Variants in INTS8 observed in about 807,000 individuals in gnomAD.
INTS8 encodes the protein integrator complex subunit 8, also known as protein kaonashi-1.
INTS8 carries 47 observed loss-of-function variants against 138.9 expected under a neutral mutation model. That is an observed-to-expected ratio of 0.34 (90% CI 0.27 to 0.43). INTS8 has a LOEUF of 0.43. Ranked by LOEUF, INTS8 falls within the 20% of genes least tolerant of loss-of-function variation. The pLI, the probability that INTS8 is intolerant of heterozygous loss-of-function variation, is 1.00. For synonymous variants in INTS8, 392 were observed against 400.9 expected (o/e 0.98, Z 0.27); for missense variants, 996 against 1,173.0 (o/e 0.85, Z 2.20).
chr8:94,832,914 A>G (rs768982581), intron 6 of INTS8, among the ~76,000 whole-genome samples: 20 of 152,114 alleles, frequency 1.3e-4, no homozygotes, highest in Non-Finnish European at 2.2e-4. Context: ...TCGGTCTCCC[A>G]AAGTGCTGGG....
At chr8:94,866,822 C>T (rs753641466) in intron 18 of INTS8, 6 of 260,902 alleles carry the variant, frequency 2.3e-5, no homozygotes, top group Admixed American at 5.1e-5. Flanking sequence ...TGGACGTAAC[C>T]TAGGTTTCAC....
At chr8:94,831,158 G>C (rs1814698018) in intron 5 of INTS8, among the ~76,000 whole-genome samples, 1 of 151,944 alleles carries the variant, frequency 6.6e-6, no homozygotes. Context: ...CTGTCACCCA[G>C]GCTGGAGTGC....
At chr8:94,827,235 G>A in intron 2 of INTS8, 28 bp from the exon 3 acceptor site, 4 of 1,601,196 alleles carry the variant, frequency 2.5e-6, no homozygotes, top group Non-Finnish European at 3.4e-6. Context: ...CAATTAATGT[G>A]CAAACATGTA....
chr8:94,867,434 C>T, intron 20 of INTS8, 97 bp downstream of exon 20: 3 of 835,254 alleles, frequency 3.6e-6, no homozygotes, highest in Admixed American at 2.4e-5. Flanking sequence ...TATTAAAGGG[C>T]CAGAAATCTA....
At chr8:94,878,748 T>G (rs1816665049) in intron 26 of INTS8, among the ~76,000 whole-genome samples, 3 of 152,254 alleles carry the variant, frequency 2.0e-5, no homozygotes, top group Admixed American at 2.0e-4. Context: ...CTGCCATCAC[T>G]GCTCTTACTT....
At chr8:94,841,782 G>A (rs572461614) in intron 9 of INTS8, among the ~76,000 whole-genome samples, 191 bp downstream of exon 9, 1 of 151,938 alleles carries the variant, frequency 6.6e-6, no homozygotes, top group Admixed American at 6.6e-5. Context: ...AAAAGTGCTT[G>A]CAGGGCCGGG....
chr8:94,866,174 T>C lies in INTS8; in HGVS notation c.2278T>C (p.Phe760Leu). Residue 760 changes from phenylalanine (F) to leucine (L), a missense_variant, in exon 18 of 27, where the codon TTT (phenylalanine) becomes CTT (leucine). By Grantham distance (22) the Phe-to-Leu change is conservative (BLOSUM62 0). Coordinates refer to ENST00000523731, the MANE Select transcript of INTS8 (RefSeq NM_017864.4). ...GTTTTGTAGGAGTGAACTGCTTTCT[T>C]TTATCAAAAAATTACGAGTAAGTTT... ...GIMYRSELLSFIKKLREPLVL... is the reference protein window; with the variant it reads ...GIMYRSELLSLIKKLREPLVL... 3 of 1,313,802 alleles carry C rather than the reference T, an allele frequency of 2.3e-6. No homozygotes were observed. The highest frequency in any genetic ancestry group is 3.2e-6 in the Non-Finnish European group (3 of 926,052). The allele number at this position is 1,313,802 out of a possible 1,614,324, so 81.4% of individuals were successfully genotyped here. A position where few individuals can be genotyped will look rare whatever the true frequency, so the allele number is the denominator to read the frequency against.
At position 94,823,527 on chromosome 8, in the gene INTS8, A is replaced by G. The variant is rs1814359941; in HGVS notation, c.96A>G (p.Ser32=). ...GGTTTGAGTTTCTGCTGGAGGAGTC[A>G]CTGTTGGAGAAACATCTGCGCAAGC... The part of the protein sequence containing the change: ...TCWFEFLLEE[S]LLEKHLRKPC... The change falls in exon 1 of 27, where the codon TCA becomes TCG. Residue 32 remains serine (S), a synonymous_variant. Coordinates refer to ENST00000523731, the MANE Select transcript of INTS8 (RefSeq NM_017864.4). 1.2e-5 allele frequency: 19 copies of G among 1,577,836 alleles called. No homozygotes were observed. The highest frequency in any genetic ancestry group is 1.5e-5 in the Non-Finnish European group (18 of 1,162,504).
At chr8:94,835,646 C>G (rs7817862) in intron 6 of INTS8, among the ~76,000 whole-genome samples, 78,826 of 151,320 alleles carry the variant, frequency 0.52, 20,697 homozygotes, top group East Asian at 0.65. Context: ...GTCGCCCAGG[C>G]TGGAATGCAG....
rs1232884792 is a variant in INTS8, at chr8:94,823,366, G to C, written c.-66G>C. 7 of 1,502,902 alleles carry C rather than the reference G, an allele frequency of 4.7e-6. No individual in the cohort carries two copies. The highest frequency in any genetic ancestry group is 1.4e-5 in the African/African-American group (1 of 71,760). 93.1% of individuals were successfully genotyped at this position (1,502,902 alleles called of 1,614,324 possible). On this transcript the variant is annotated 5_prime_UTR_variant, in exon 1 of 27. Coordinates refer to ENST00000523731, the MANE Select transcript of INTS8 (RefSeq NM_017864.4). ...CCGGGTTCCGCATACCCCAGGCACC[G>C]GCCCGCATCCAAGTGTCAGGTTGGA...
At chr8:94,857,592 C>A (rs753435601) in intron 15 of INTS8, among the ~76,000 whole-genome samples, 1 of 152,124 alleles carries the variant, frequency 6.6e-6, no homozygotes, top group Non-Finnish European at 1.5e-5. Context: ...GCTGTGCTGC[C>A]CCCAAAGGCT....
chr8:94,871,717 A>C (rs1196826992), intron 20 of INTS8, among the ~76,000 whole-genome samples, 167 bp from the exon 21 acceptor site: 1 of 152,242 alleles, frequency 6.6e-6, no homozygotes, highest in Non-Finnish European at 1.5e-5. Flanking sequence ...ACACTTTCTT[A>C]GACTTAGTTG....
chr8:94,855,829 G>A (rs1017648537), intron 14 of INTS8, among the ~76,000 whole-genome samples: 8 of 152,342 alleles, frequency 5.3e-5, no homozygotes, highest in East Asian at 1.9e-4. Context: ...CTTCCGGTTC[G>A]AGAGTCAGAG....
intron 6 of INTS8, among the ~76,000 whole-genome samples, chr8:94,835,263 C>G (rs1814880401): frequency 6.6e-6 from 1 of 152,180 alleles, no homozygotes; most frequent in South Asian, 2.1e-4. Context: ...ATGTCACTTT[C>G]TGGGCGTTTG....
At chr8:94,836,452 A>G in intron 6 of INTS8, 72 bp from the exon 7 acceptor site, 1 of 1,111,086 alleles carries the variant, frequency 9.0e-7, no homozygotes, top group Non-Finnish European at 1.3e-6. Flanking sequence ...TGAGATAAAG[A>G]CAGTTTTGGT....
intron 16 of INTS8, 97 bp downstream of exon 16, chr8:94,859,729 T>C (rs1419494358): frequency 4.2e-6 from 4 of 946,776 alleles, no homozygotes; most frequent in Non-Finnish European, 6.4e-6. Flanking sequence ...ATTTCTGTGA[T>C]ACAAATGATT....
At chr8:94,825,288 C>T (rs528762583) in intron 2 of INTS8, among the ~76,000 whole-genome samples, 2 of 152,076 alleles carry the variant, frequency 1.3e-5, no homozygotes, top group East Asian at 3.9e-4. Context: ...CGTCTCTAGC[C>T]GGGCATGGTG....
Position 94,859,560 on chromosome 8 carries a change from A to C in INTS8, c.2004A>C (p.Leu668Phe). ...VIAEECVAFM[L>F]NWRENEYLTL... Reference sequence around the variant, plus strand: ...CTGAGGAATGTGTTGCCTTTATGTTAAACTGGAGAGAAAATGAATACCTTA... The same window carrying C: ...CTGAGGAATGTGTTGCCTTTATGTTCAACTGGAGAGAAAATGAATACCTTA... Residue 668 changes from leucine to phenylalanine, a missense_variant, in exon 16 of 27, where the codon TTA becomes TTC. Coordinates refer to ENST00000523731, the MANE Select transcript of INTS8 (RefSeq NM_017864.4). The C allele has an allele frequency of 6.2e-7, 1 of 1,613,090 alleles. No individual in the cohort carries two copies.
Position 94,881,691 on chromosome 8 carries a change from A to G in INTS8, c.*1457A>G. On this transcript the variant is annotated 3_prime_UTR_variant, in exon 27 of 27. Coordinates refer to ENST00000523731, the MANE Select transcript of INTS8 (RefSeq NM_017864.4). ...GGTGGTGTCATAATGCCTCCATTGC[A>G]CACTGGTGACAACTGTCCCCCTTTT... 1 of 1,613,944 alleles carries G rather than the reference A, an allele frequency of 6.2e-7. No homozygotes were observed.
Sources: allele counts gnomAD v4.1 joint callset (sites outside exome capture counted in the v4.1 genomes callset), GRCh38; gene constraint gnomAD v4.1.1; transcripts MANE v1.5; gene names NCBI Gene and HGNC (gene_info 2026-07-23, HGNC 2026-07-21).